Variants in ACYP2 observed in about 807,000 individuals in gnomAD.
The protein encoded by ACYP2 is acylphosphatase-2.
In ACYP2, 12 loss-of-function variants were observed where a neutral mutation model predicts 11.2. The ratio of observed to expected loss-of-function variants is 1.08; its 90% CI spans 0.69 to 1.74. ACYP2 has a LOEUF of 1.74. Ranked by LOEUF, ACYP2 falls within the 40% of genes most tolerant of loss-of-function variation. The probability of loss-of-function intolerance (pLI) is 0.00; values close to 1 mark genes in which losing one functional copy is unlikely to be tolerated. For missense variants in ACYP2, 134 were observed against 101.9 expected, an observed-to-expected ratio of 1.31 and a Z score of -1.35; for synonymous variants, 43 against 32.2, an observed-to-expected ratio of 1.33 and a Z score of -1.13.
intron 6 of ACYP2, among the ~76,000 whole-genome samples, chr2:54,250,477 T>TGGGGGG (rs149150140): frequency 7.4e-4 from 62 of 83,618 alleles, no homozygotes; most frequent in East Asian, 1.0e-3. Context: ...GTGGGTGGGG[T>TGGGGGG]GGGGGGGGCG....
chr2:54,201,636 C>CTCTCTCTT lies in ACYP2; in HGVS notation c.404+62891_404+62892insCTCTTTCT, dbSNP rs769862240. ...TCTTTCTTTCTTTGTTTCTTTCTTT[C>CTCTCTCTT]TCTTTCTTTCTTTCTTTCTTTCTTT... On this transcript the variant is annotated intron_variant, in intron 6 of 6. Coordinates refer to ENST00000607452, the MANE Select transcript of ACYP2 (RefSeq NM_001320586.2). Among the ~76,000 whole-genome samples the CTCTCTCTT allele has an allele frequency of 3.2e-5, 3 of 93,662 alleles. No homozygotes were observed. In the East Asian group the frequency reaches 9.6e-4, roughly 30 times the overall value. 61.4% of individuals were successfully genotyped at this position (93,662 alleles called of 152,430 possible). A position where few individuals can be genotyped will look rare whatever the true frequency, so the allele number is the denominator to read the frequency against.
At chr2:54,148,145 C>G (rs547512944) in intron 6 of ACYP2, among the ~76,000 whole-genome samples, 14 of 152,050 alleles carry the variant, frequency 9.2e-5, no homozygotes, top group African/African-American at 3.1e-4. Context: ...TTTTCCTGAC[C>G]CACCCCAAAC....
At chr2:54,229,858 C>A (rs1396195685) in intron 6 of ACYP2, among the ~76,000 whole-genome samples, 1 of 152,106 alleles carries the variant, frequency 6.6e-6, no homozygotes, top group South Asian at 2.1e-4. Flanking sequence ...TTGTTTCCAT[C>A]AAAAATATTA....
intron 2 of ACYP2, among the ~76,000 whole-genome samples, chr2:54,026,114 C>G (rs6545381): frequency 0.26 from 39,540 of 151,972 alleles, 5,867 homozygotes; most frequent in South Asian, 0.46. Context: ...GAGACTCTGT[C>G]TCAACAAACA....
intron 6 of ACYP2, among the ~76,000 whole-genome samples, chr2:54,199,886 G>A (rs996616566): frequency 2.6e-4 from 40 of 152,190 alleles, no homozygotes; most frequent in Admixed American, 2.0e-3. Context: ...CGTTGCAATG[G>A]TTCTGTATCT....
intron 3 of ACYP2, chr2:54,051,362 TG>T: frequency 3.9e-6 from 3 of 759,762 alleles, no homozygotes; most frequent in Non-Finnish European, 7.3e-6. Flanking sequence ...TGGAAGACCA[TG>T]TCTGCTAAAG....
intron 2 of ACYP2, among the ~76,000 whole-genome samples, chr2:54,005,484 C>T (rs1197787752): frequency 1.4e-4 from 22 of 152,114 alleles, no homozygotes; most frequent in African/African-American, 3.1e-4. Context: ...GGAGTACAGG[C>T]GTGTGCCACC....
intron 6 of ACYP2, among the ~76,000 whole-genome samples, chr2:54,165,572 CAT>C (rs1243320456): frequency 2.0e-5 from 3 of 150,062 alleles, no homozygotes; most frequent in Non-Finnish European, 4.4e-5. Flanking sequence ...CACACACACA[CAT>C]TAGAGACAAC....
At chr2:54,163,225 T>A (rs1682803868) in intron 6 of ACYP2, among the ~76,000 whole-genome samples, 1 of 152,190 alleles carries the variant, frequency 6.6e-6, no homozygotes, top group South Asian at 2.1e-4. Context: ...TGCCTGCATG[T>A]GAGTTATCTG....
intron 6 of ACYP2, among the ~76,000 whole-genome samples, chr2:54,155,613 G>C (rs900664697): frequency 2.0e-5 from 3 of 152,156 alleles, no homozygotes; most frequent in Non-Finnish European, 4.4e-5. Flanking sequence ...AATGCCTGAT[G>C]ATCTGAGGTG....
At chr2:54,002,727 C>G (rs534136778) in intron 2 of ACYP2, among the ~76,000 whole-genome samples, 1 of 151,366 alleles carries the variant, frequency 6.6e-6, no homozygotes, top group South Asian at 2.1e-4. Flanking sequence ...TTTCGGCTCA[C>G]CACAACCTGT....
At chr2:54,290,265 A>G (rs911802091) in intron 6 of ACYP2, among the ~76,000 whole-genome samples, 2 of 152,014 alleles carry the variant, frequency 1.3e-5, no homozygotes, top group Non-Finnish European at 2.9e-5. Context: ...GGCCACAGAG[A>G]CTGGTGCCTT....
At chr2:54,008,236 C>T (rs1673180604) in intron 2 of ACYP2, among the ~76,000 whole-genome samples, 1 of 152,230 alleles carries the variant, frequency 6.6e-6, no homozygotes, top group African/African-American at 2.4e-5. Context: ...TCTGCCTACA[C>T]ACTAAAGTCC....
At chr2:54,279,236 C>G (rs1161188131) in intron 6 of ACYP2, among the ~76,000 whole-genome samples, 1 of 152,188 alleles carries the variant, frequency 6.6e-6, no homozygotes, top group Non-Finnish European at 1.5e-5. Flanking sequence ...CCATATCCAG[C>G]CCACTGCTTG....
chr2:54,176,063 C>T (rs13393807), intron 6 of ACYP2, among the ~76,000 whole-genome samples: 2,448 of 152,242 alleles, frequency 0.016, 65 homozygotes, highest in African/African-American at 0.055. Context: ...GTGCCTCAAT[C>T]TTGGAATTCC....
At chr2:54,021,191 C>A (rs1451884073) in intron 2 of ACYP2, among the ~76,000 whole-genome samples, 2 of 151,988 alleles carry the variant, frequency 1.3e-5, no homozygotes, top group African/African-American at 2.4e-5. Context: ...TAGTTTGGCA[C>A]GAAGGGTGGT....
intron 6 of ACYP2, among the ~76,000 whole-genome samples, chr2:54,208,336 A>G (rs1479749444): frequency 2.0e-5 from 3 of 151,874 alleles, no homozygotes; most frequent in Non-Finnish European, 4.4e-5. Context: ...TTACATTTCT[A>G]ATTTTTACTT....
chr2:54,266,800 G>A (rs1380319561), intron 6 of ACYP2, among the ~76,000 whole-genome samples: 1 of 151,130 alleles, frequency 6.6e-6, no homozygotes, highest in South Asian at 2.1e-4. Flanking sequence ...TAGTACAGAC[G>A]GGGTTTCACC....
At chr2:54,255,296 T>G (rs1174992482) in intron 6 of ACYP2, 1 of 1,614,104 alleles carries the variant, frequency 6.2e-7, no homozygotes, top group Non-Finnish European at 8.5e-7. Context: ...CTAGGGTGTC[T>G]GAGCTCCTTC....
Sources: allele counts gnomAD v4.1 joint callset (sites outside exome capture counted in the v4.1 genomes callset), GRCh38; gene constraint gnomAD v4.1.1; transcripts MANE v1.5; gene names NCBI Gene and HGNC (gene_info 2026-07-23, HGNC 2026-07-21).